The following TEN1 variants were observed in gnomAD, a reference collection of about 807,000 sequenced individuals.
TEN1 encodes TEN1 subunit of CST complex, also known as CST complex subunit TEN1.
Under a neutral mutation model 9.3 loss-of-function variants are expected in TEN1, and 6 were observed. The ratio of observed to expected loss-of-function variants is 0.65; its 90% CI spans 0.35 to 1.27. TEN1 has a LOEUF of 1.27. Among genes scored for constraint, TEN1 ranks in the 50% most tolerant of loss-of-function variants. TEN1 has a pLI of 0.03. For missense variants in TEN1, 149 were observed against 158.2 expected, an observed-to-expected ratio of 0.94 and a Z score of 0.31; for synonymous variants, 65 against 65.6, an observed-to-expected ratio of 0.99 and a Z score of 0.04.
In TEN1 at chr17:75,988,582, A is replaced by AAG. The variant is rs1555621401; in HGVS notation, c.92+2299_92+2300insGA. Among the ~76,000 whole-genome samples, 492 of 140,272 alleles carry AAG rather than the reference A, an allele frequency of 3.5e-3. 28 individuals carry two copies. The highest frequency in any genetic ancestry group is 8.4e-3 in the African/African-American group (279 of 33,328). The allele number at this position is 140,272 out of a possible 152,430, so 92.0% of individuals were successfully genotyped here. Reference sequence around the variant, plus strand: ...GCCTCAAAAAAAAAAAAAAAAAAAAAAAAAAGAAAAGAAGAAGAAAGCAAT... The same window carrying AAG: ...GCCTCAAAAAAAAAAAAAAAAAAAAAAGAAAAAGAAAAGAAGAAGAAAGCAAT... On this transcript the variant is annotated intron_variant, in intron 2 of 3. Transcript: ENST00000397640.
chr17:75,991,467 T>C lies in TEN1; in HGVS notation c.94T>C (p.Leu32=). The C allele has an allele frequency of 1.3e-6, 2 of 1,552,246 alleles. No homozygotes were observed. The highest frequency in any genetic ancestry group is 1.7e-6 in the Non-Finnish European group (2 of 1,147,092). ...DGSTLRTFGR[L]CLYDMIQSRV... is the part of the protein sequence containing the mutation. ...TATTGCATTTCTTCTGCCTTCCAGG[T>C]TGTGCCTCTATGACATGATTCAGTC... The change falls in exon 3 of 4, where the codon TTG becomes CTG. Residue 32 remains leucine (L), a splice_region_variant and synonymous_variant. Coordinates refer to ENST00000397640, the MANE Select transcript of TEN1 (RefSeq NM_001113324.3).
intron 1 of TEN1, among the ~76,000 whole-genome samples, chr17:75,983,310 G>A (rs1288787033): frequency 6.6e-6 from 1 of 151,950 alleles, no homozygotes; most frequent in African/African-American, 2.4e-5. Flanking sequence ...AAAGAAAAAT[G>A]TATAATCATT....
chr17:76,000,186 G>C lies in TEN1; in HGVS notation c.296G>C (p.Gly99Ala). The change falls in exon 4 of 4, where the codon GGG becomes GCG. Residue 99 changes from glycine to alanine, a missense_variant. Coordinates refer to ENST00000397640, the MANE Select transcript of TEN1 (RefSeq NM_001113324.3). The surrounding 1 kb of genome is among the most constrained non-coding windows in gnomAD (Gnocchi z 5.9). Reference sequence around the variant, plus strand: ...GCGCGCGTGCTGACCTGTGTGGAGGGGATGAACCTGCCCTTGTTGGAACAA... The same window carrying C: ...GCGCGCGTGCTGACCTGTGTGGAGGCGATGAACCTGCCCTTGTTGGAACAA... ...VKARVLTCVE[G>A]MNLPLLEQAI... 1 of 1,551,542 alleles carries C rather than the reference G, an allele frequency of 6.4e-7. No individual in the cohort carries two copies. Among genetic ancestry groups the C allele is most frequent in the Non-Finnish European group, 8.7e-7 (1 of 1,146,964 alleles).
chr17:75,993,108 CT>C (rs141385494), intron 3 of TEN1, among the ~76,000 whole-genome samples: 171 of 128,418 alleles, frequency 1.3e-3, no homozygotes, highest in Middle Eastern at 4.4e-3. Flanking sequence ...AAAGTTATTT[CT>C]TTTTTTTTTT....
chr17:75,984,291 C>T (rs1333391273), intron 1 of TEN1, among the ~76,000 whole-genome samples: 3 of 152,162 alleles, frequency 2.0e-5, no homozygotes, highest in Admixed American at 1.3e-4. Flanking sequence ...TCTTTTTGCT[C>T]ATTGTTGGCC....
rs374622006 is a variant in TEN1 at position 76,000,114 on chromosome 17, G to A, written c.251-27G>A. 99 of 1,547,930 alleles carry A rather than the reference G, an allele frequency of 6.4e-5. 1 individual carries two copies. In the African/African-American group the frequency reaches 7.1e-4, roughly 11 times the overall value. The stretch of plus-strand genomic sequence containing the variant: ...GTTGTTGACACGCCGCTCAGTCGCC[G>A]TTCGTGCCCTGGTGTTTGTCTTGCA... On this transcript the variant is annotated intron_variant, in intron 3 of 3. Transcript: ENST00000397640. This position sits in a 1 kb window ranked among gnomAD's most constrained non-coding sequence, Gnocchi z 5.9.
intron 1 of TEN1, among the ~76,000 whole-genome samples, chr17:75,985,476 A>C (rs1216163582): frequency 6.6e-6 from 1 of 152,026 alleles, no homozygotes. Context: ...ATAGAGATGA[A>C]GTCTCACTAT....
At chr17:75,985,388 T>G (rs1017683254) in intron 1 of TEN1, among the ~76,000 whole-genome samples, 8 of 152,156 alleles carry the variant, frequency 5.3e-5, no homozygotes, top group African/African-American at 1.9e-4. Context: ...TCTCAAGGGA[T>G]CCACCTGGCT....
intron 3 of TEN1, among the ~76,000 whole-genome samples, chr17:75,995,656 C>G (rs2066214121): frequency 6.6e-6 from 1 of 152,232 alleles, no homozygotes; most frequent in Non-Finnish European, 1.5e-5. Context: ...ACAGCCTTTC[C>G]CAGGCCTACT....
intron 1 of TEN1, 95 bp from the exon 2 acceptor site, chr17:75,986,092 G>T: frequency 2.0e-6 from 2 of 977,688 alleles, no homozygotes; most frequent in Non-Finnish European, 1.5e-6. Flanking sequence ...TAGTCTTCAA[G>T]ATGCTGTTGG....
At chr17:75,989,833 A>G (rs1252047376) in intron 2 of TEN1, among the ~76,000 whole-genome samples, 4 of 151,700 alleles carry the variant, frequency 2.6e-5, no homozygotes, top group African/African-American at 7.3e-5. Context: ...TGACATGATC[A>G]TGGCTCACAA....
intron 2 of TEN1, among the ~76,000 whole-genome samples, chr17:75,990,895 A>G (rs1033192321): frequency 2.0e-5 from 3 of 151,984 alleles, no homozygotes; most frequent in African/African-American, 7.2e-5. Context: ...CATGCCTGTA[A>G]TCCCAGTACT....
intron 2 of TEN1, among the ~76,000 whole-genome samples, chr17:75,991,176 G>GA (rs2066183672): frequency 1.5e-5 from 2 of 135,358 alleles, no homozygotes; most frequent in African/African-American, 2.8e-5. Flanking sequence ...AAAGAAAAAA[G>GA]AAAAAGAAAA....
In TEN1 at chr17:76,000,460, A is replaced by C; in HGVS notation, c.*198A>C. ...TGAGAACCCAGAAAGCATGCCATAA[A>C]TCCGACAGCCCCACCCCAGGAGACT... On this transcript the variant is annotated 3_prime_UTR_variant, in exon 4 of 4. Coordinates refer to ENST00000397640, the MANE Select transcript of TEN1 (RefSeq NM_001113324.3). The surrounding 1 kb of genome is among the most constrained non-coding windows in gnomAD (Gnocchi z 5.9). The C allele has an allele frequency of 2.1e-5, 17 of 806,894 alleles. No individual in the cohort carries two copies. The highest frequency in any genetic ancestry group is 8.9e-5 in the East Asian group (3 of 33,578). 50.0% of individuals were successfully genotyped at this position (806,894 alleles called of 1,614,324 possible). A position where few individuals can be genotyped will look rare whatever the true frequency, so the allele number is the denominator to read the frequency against.
intron 2 of TEN1, among the ~76,000 whole-genome samples, chr17:75,987,599 GAC>G (rs1220730520): frequency 6.6e-6 from 1 of 152,136 alleles, no homozygotes; most frequent in African/African-American, 2.4e-5. Flanking sequence ...CCATCTTAGA[GAC>G]ACGTGTACAT....
chr17:75,995,872 C>A (rs1195347569), intron 3 of TEN1, among the ~76,000 whole-genome samples: 1 of 152,024 alleles, frequency 6.6e-6, no homozygotes, highest in Admixed American at 6.6e-5. Flanking sequence ...GTGGGAGGAT[C>A]ACTTGAACCC....
chr17:76,000,466 C>A lies in TEN1; in HGVS notation c.*204C>A. On this transcript the variant is annotated 3_prime_UTR_variant, in exon 4 of 4. Coordinates refer to ENST00000397640, the MANE Select transcript of TEN1 (RefSeq NM_001113324.3). The surrounding 1 kb of genome is among the most constrained non-coding windows in gnomAD (Gnocchi z 5.9). ...CCCAGAAAGCATGCCATAAATCCGA[C>A]AGCCCCACCCCAGGAGACTGCAGGT... The A allele has an allele frequency of 1.3e-6, 1 of 777,316 alleles. No homozygotes were observed. The highest frequency in any genetic ancestry group is 1.9e-6 in the Non-Finnish European group (1 of 514,782). The allele number at this position is 777,316 out of a possible 1,614,324, so 48.2% of individuals were successfully genotyped here.
At chr17:75,993,115 T>TTC (rs1304639609) in intron 3 of TEN1, among the ~76,000 whole-genome samples, 1 of 150,328 alleles carries the variant, frequency 6.7e-6, no homozygotes, top group East Asian at 2.0e-4. Flanking sequence ...TTTCTTTTTT[T>TTC]TTTTTTTTTG....
Position 75,986,213 on chromosome 17 carries a change from G to A in TEN1, c.21G>A (p.Gly7=). Residue 7 remains glycine, a synonymous_variant, in exon 2 of 4, where the codon GGG becomes GGA. Coordinates refer to ENST00000397640, the MANE Select transcript of TEN1 (RefSeq NM_001113324.3). ...AGCCCATGATGCTGCCCAAACCTGG[G>A]ACCTATTACCTCCCCTGGGAGGTTA... is the stretch of plus-strand genomic sequence containing the variant. MMLPKP[G]TYYLPWEVSA... 1.3e-6 allele frequency: 2 copies of A among 1,549,520 alleles called. No individual in the cohort carries two copies. Among genetic ancestry groups the A allele is most frequent in the Non-Finnish European group, 1.7e-6 (2 of 1,145,996 alleles).
Sources: gnomAD v4.1 joint callset for allele counts (sites outside exome capture counted in the v4.1 genomes callset) on GRCh38, gnomAD v4.1.1 for gene constraint, Gnocchi (gnomAD v3.1) non-coding constraint, MANE v1.5 for transcripts, NCBI Gene and HGNC (gene_info 2026-07-23, HGNC 2026-07-21) for gene names.